The following ARHGAP8 variants were observed in gnomAD, a reference collection of about 807,000 sequenced individuals.
ARHGAP8 encodes Rho GTPase activating protein 8, also known as rho GTPase-activating protein 8.
In ARHGAP8, 62 loss-of-function variants were observed where a neutral mutation model predicts 46.1. The observed-to-expected ratio is 1.34, with a 90% CI of 1.10 to 1.66. The LOEUF (loss-of-function observed/expected upper bound fraction) is 1.66, where lower values mean the gene tolerates loss of function less well. Among genes scored for constraint, ARHGAP8 ranks in the 40% most tolerant of loss-of-function variants. ARHGAP8 has a pLI of 0.00. For missense variants in ARHGAP8, 923 were observed against 568.4 expected, an observed-to-expected ratio of 1.62 and a Z score of -6.34; for synonymous variants, 375 against 243.1, an observed-to-expected ratio of 1.54 and a Z score of -5.05.
chr22:44,808,045 G>C (rs770843059), intron 3 of ARHGAP8, among the ~76,000 whole-genome samples: 4 of 152,198 alleles, frequency 2.6e-5, no homozygotes, highest in African/African-American at 4.8e-5. Context: ...CCACGGATTT[G>C]ATATGGATGT....
intron 8 of ARHGAP8, 112 bp from the exon 9 acceptor site, chr22:44,847,860 GT>G (rs1219234969): frequency 2.8e-5 from 38 of 1,346,044 alleles, no homozygotes; most frequent in Non-Finnish European, 3.0e-5. Context: ...ACAAATAAAT[GT>G]GTGGAGGCCA....
chr22:44,824,951 G>A (rs569703647), intron 6 of ARHGAP8, among the ~76,000 whole-genome samples: 2 of 151,936 alleles, frequency 1.3e-5, no homozygotes, highest in South Asian at 2.1e-4. Context: ...CTTTTCACCC[G>A]AAGGCTTTAA....
chr22:44,784,717 G>A (rs573816140), intron 1 of ARHGAP8, among the ~76,000 whole-genome samples: 1 of 151,298 alleles, frequency 6.6e-6, no homozygotes, highest in African/African-American at 2.4e-5. Flanking sequence ...TTTTGCCACA[G>A]ACAGTCACAT....
intron 5 of ARHGAP8, among the ~76,000 whole-genome samples, chr22:44,817,317 G>A (rs898153682): frequency 6.6e-6 from 1 of 151,680 alleles, no homozygotes; most frequent in Admixed American, 6.6e-5. Flanking sequence ...GATTTTTGGG[G>A]CCAAAGAGCT....
chr22:44,758,638 T>C (rs1266499279), intron 1 of ARHGAP8, among the ~76,000 whole-genome samples: 3 of 144,268 alleles, frequency 2.1e-5, no homozygotes, highest in Admixed American at 2.1e-4. Flanking sequence ...GAACATAGCG[T>C]GTGCAAAGGC....
intron 1 of ARHGAP8, among the ~76,000 whole-genome samples, chr22:44,753,224 A>G (rs1227068881): frequency 7.2e-6 from 1 of 139,852 alleles, no homozygotes; most frequent in Non-Finnish European, 1.5e-5. Flanking sequence ...AAAAGCAGAA[A>G]CTTTTTTTTT....
chr22:44,849,078 C>T lies in ARHGAP8; in HGVS notation c.877+18C>T, dbSNP rs756592931. ...GATCACCTGTGCGTAGCTGCCCTGG[C>T]GCAGGGGTGGGGGGCTTGGTCCTCA... On this transcript the variant is annotated intron_variant, in intron 10 of 11. Coordinates refer to ENST00000356099, the MANE Select transcript of ARHGAP8 (RefSeq NM_181335.3). The T allele has an allele frequency of 2.9e-5, 47 of 1,613,068 alleles. No individual in the cohort carries two copies. Among genetic ancestry groups the T allele is most frequent in the Admixed American group, 6.7e-5 (4 of 59,986 alleles).
chr22:44,840,490 C>T (rs893045131), intron 7 of ARHGAP8, among the ~76,000 whole-genome samples: 10 of 152,128 alleles, frequency 6.6e-5, no homozygotes, highest in Admixed American at 1.3e-4. Context: ...TGATCCTGTC[C>T]GGTATCTTAG....
intron 5 of ARHGAP8, among the ~76,000 whole-genome samples, chr22:44,821,361 G>A (rs113881689): frequency 0.22 from 33,866 of 150,910 alleles, 3,950 homozygotes; most frequent in African/African-American, 0.27. Context: ...CCCAGGAGGC[G>A]GAGCTTGCAG....
chr22:44,789,700 C>T (rs1927523193), intron 2 of ARHGAP8, among the ~76,000 whole-genome samples: 1 of 151,996 alleles, frequency 6.6e-6, no homozygotes, highest in African/African-American at 2.4e-5. Context: ...AGGGTTTTGT[C>T]ATGTTACCCA....
At chr22:44,774,311 A>G (rs1602156631) in intron 1 of ARHGAP8, among the ~76,000 whole-genome samples, 1 of 152,134 alleles carries the variant, frequency 6.6e-6, no homozygotes, top group Non-Finnish European at 1.5e-5. Flanking sequence ...GATGTAGTGA[A>G]CTTCCTGAGA....
chr22:44,775,856 G>A (rs1252056133), intron 1 of ARHGAP8, among the ~76,000 whole-genome samples: 2 of 152,048 alleles, frequency 1.3e-5, no homozygotes, highest in Non-Finnish European at 2.9e-5. Flanking sequence ...TTAGCATTCT[G>A]GAAAAATTAG....
chr22:44,814,628 T>A, intron 4 of ARHGAP8, 44 bp from the exon 5 acceptor site: 1 of 1,584,810 alleles, frequency 6.3e-7, no homozygotes, highest in Non-Finnish European at 8.6e-7. Flanking sequence ...GGGGTGTTTC[T>A]CGGAGCGCGG....
At chr22:44,836,326 G>A (rs1931285513) in intron 7 of ARHGAP8, among the ~76,000 whole-genome samples, 2 of 151,748 alleles carry the variant, frequency 1.3e-5, no homozygotes, top group Admixed American at 1.3e-4. Context: ...TCAGCCTCCT[G>A]AGTAGCTGGG....
intron 7 of ARHGAP8, among the ~76,000 whole-genome samples, chr22:44,831,066 G>A (rs892827237): frequency 6.6e-6 from 1 of 152,098 alleles, no homozygotes; most frequent in Non-Finnish European, 1.5e-5. Context: ...CTAGACCCTA[G>A]GCCCTTATCA....
At chr22:44,803,652 C>T (rs1477723446) in intron 3 of ARHGAP8, among the ~76,000 whole-genome samples, 3 of 136,264 alleles carry the variant, frequency 2.2e-5, no homozygotes, top group Non-Finnish European at 4.8e-5. Flanking sequence ...CATGCACACA[C>T]CCCCTCCCAT....
At chr22:44,808,845 T>C (rs1199899652) in intron 4 of ARHGAP8, 1 of 365,752 alleles carries the variant, frequency 2.7e-6, no homozygotes, top group Non-Finnish European at 5.3e-6. Context: ...ACAGAGACAG[T>C]CTCGCCCTGT....
intron 10 of ARHGAP8, chr22:44,850,633 C>T (rs987959454): frequency 2.6e-5 from 4 of 152,104 alleles, no homozygotes; most frequent in Admixed American, 2.6e-4. Context: ...GGGAGATAGG[C>T]CCTGGAACCC....
intron 2 of ARHGAP8, among the ~76,000 whole-genome samples, chr22:44,797,082 T>C (rs1367145857): frequency 6.6e-6 from 1 of 152,206 alleles, no homozygotes; most frequent in African/African-American, 2.4e-5. Context: ...GTGTCTCATC[T>C]TCTCTCCCCG....
Sources: gnomAD v4.1 joint callset for allele counts (sites outside exome capture counted in the v4.1 genomes callset) on GRCh38, gnomAD v4.1.1 for gene constraint, MANE v1.5 for transcripts, NCBI Gene and HGNC (gene_info 2026-07-23, HGNC 2026-07-21) for gene names.